MYO1E: variants seen among roughly 807,000 people sequenced by gnomAD.
The protein encoded by MYO1E is unconventional myosin-Ie.
Under a neutral mutation model 151.1 loss-of-function variants are expected in MYO1E, and 68 were observed. That is an observed-to-expected ratio of 0.45 (90% CI 0.37 to 0.55). The LOEUF is 0.55. MYO1E is among the 20% of genes least tolerant of loss of function. The pLI, the probability that MYO1E is intolerant of heterozygous loss-of-function variation, is 0.00. For missense variants in MYO1E, 1,363 were observed against 1,389.3 expected (o/e 0.98, Z 0.30); for synonymous variants, 601 against 501.7 (o/e 1.20, Z -2.64).
intron 21 of MYO1E, 109 bp from the exon 22 acceptor site, chr15:59,172,151 G>A (rs937653232): frequency 8.1e-7 from 1 of 1,239,218 alleles, no homozygotes; most frequent in Non-Finnish European, 1.1e-6. Context: ...GAGGTCAGGA[G>A]TTCGAGACCA....
Position 59,202,071 on chromosome 15 carries a change from G to C in MYO1E, c.1698+255C>G, listed in dbSNP as rs530719109. ...TTCTGTTTAAAGCCATTTCCTCTTA[G>C]AAAGTAGCTGATTATCATCTGCTGA... On this transcript the variant is annotated intron_variant, in intron 16 of 27. Transcript: ENST00000288235. Among the ~76,000 whole-genome samples the C allele has an allele frequency of 2.0e-5, 3 of 152,262 alleles. No individual in the cohort carries two copies. The South Asian group carries it at 6.2e-4, about 32-fold the overall frequency.
At chr15:59,275,948 G>A (rs992466453) in intron 1 of MYO1E, among the ~76,000 whole-genome samples, 4 of 152,176 alleles carry the variant, frequency 2.6e-5, no homozygotes, top group Non-Finnish European at 5.9e-5. Flanking sequence ...TCTGCACACA[G>A]CCGCTGAATG....
intron 26 of MYO1E, among the ~76,000 whole-genome samples, chr15:59,141,850 G>A (rs1190456452): frequency 6.8e-6 from 1 of 146,818 alleles, no homozygotes; most frequent in African/African-American, 2.5e-5. Flanking sequence ...CCTGTAATCT[G>A]TAATCCCAGC....
chr15:59,137,139 C>T lies in MYO1E; in HGVS notation c.*241G>A. ...TAAATACAATAAATAAATCTTAATG[C>T]ATGGTGGTTTTGTCCTCCTGGGTTC... On this transcript the variant is annotated 3_prime_UTR_variant, in exon 28 of 28. Coordinates refer to ENST00000288235, the MANE Select transcript of MYO1E (RefSeq NM_004998.4). The T allele has an allele frequency of 1.8e-6, 1 of 558,672 alleles. No individual in the cohort carries two copies. Among genetic ancestry groups the T allele is most frequent in the South Asian group, 2.0e-5 (1 of 49,418 alleles). 34.6% of individuals were successfully genotyped at this position (558,672 alleles called of 1,614,324 possible). A position where few individuals can be genotyped will look rare whatever the true frequency, so the allele number is the denominator to read the frequency against.
At chr15:59,363,408 A>AC in intron 1 of MYO1E, among the ~76,000 whole-genome samples, 1 of 152,192 alleles carries the variant, frequency 6.6e-6, no homozygotes, top group Non-Finnish European at 1.5e-5. Flanking sequence ...TTAAGTCTAA[A>AC]TTATCCCCTC....
At chr15:59,292,415 G>A (rs970680969) in intron 1 of MYO1E, among the ~76,000 whole-genome samples, 4 of 152,180 alleles carry the variant, frequency 2.6e-5, no homozygotes, top group East Asian at 3.8e-4. Flanking sequence ...ACTACGACTG[G>A]CAGGCATATG....
At position 59,206,792 on chromosome 15, in the gene MYO1E, CCCGCG is replaced by C. The variant is rs1216856011; in HGVS notation, c.1531-1312_1531-1308del. On this transcript the variant is annotated intron_variant, in intron 14 of 27. Coordinates refer to ENST00000288235, the MANE Select transcript of MYO1E (RefSeq NM_004998.4). ...GCACGTGTCGGAGACTCTGGCAAGG[CCCGCG>C]CAGCCGCAGTAGAGGGCCAGGGGGC... The C allele has an allele frequency of 2.1e-4, 154 of 730,480 alleles. No individual in the cohort carries two copies. The African/African-American group carries it at 2.5e-3, about 12-fold the overall frequency. The allele number at this position is 730,480 out of a possible 1,614,324, so 45.2% of individuals were successfully genotyped here. A position where few individuals can be genotyped will look rare whatever the true frequency, so the allele number is the denominator to read the frequency against.
intron 1 of MYO1E, among the ~76,000 whole-genome samples, chr15:59,286,255 C>T (rs373413072): frequency 2.0e-5 from 3 of 152,180 alleles, no homozygotes; most frequent in South Asian, 2.1e-4. Context: ...TTGCAAAATA[C>T]GCATTATTTA....
At position 59,213,296 on chromosome 15, in the gene MYO1E, G is replaced by A. The variant is rs184566198; in HGVS notation, c.1275+932C>T. Among the ~76,000 whole-genome samples, 350 of 151,982 alleles carry A rather than the reference G, an allele frequency of 2.3e-3. 1 individual carries two copies. Among genetic ancestry groups the A allele is most frequent in the African/African-American group, 8.2e-3 (339 of 41,458 alleles). On this transcript the variant is annotated intron_variant, in intron 12 of 27. Transcript: ENST00000288235. Reference sequence around the variant, plus strand: ...AGCGATTCTCCTGCCTCAGCCCCCTGAGTAGCTGGGTCTACAGGCACACAC... The same window carrying A: ...AGCGATTCTCCTGCCTCAGCCCCCTAAGTAGCTGGGTCTACAGGCACACAC...
At chr15:59,293,915 T>C (rs1426133717) in intron 1 of MYO1E, among the ~76,000 whole-genome samples, 2 of 152,138 alleles carry the variant, frequency 1.3e-5, no homozygotes, top group African/African-American at 2.4e-5. Flanking sequence ...TGGTGGCGCA[T>C]GCCTGTGGTC....
chr15:59,322,805 T>C (rs1246182262), intron 1 of MYO1E, among the ~76,000 whole-genome samples: 2 of 152,220 alleles, frequency 1.3e-5, no homozygotes, highest in Non-Finnish European at 2.9e-5. Context: ...GAATATGTCT[T>C]ACAACAGAAG....
At chr15:59,210,805 C>T (rs1233126835) in intron 12 of MYO1E, among the ~76,000 whole-genome samples, 2 of 152,002 alleles carry the variant, frequency 1.3e-5, no homozygotes, top group African/African-American at 4.8e-5. Context: ...TAGTTTGAAC[C>T]CTATGAAATT....
At chr15:59,241,967 G>C (rs2080102326) in intron 4 of MYO1E, among the ~76,000 whole-genome samples, 1 of 148,218 alleles carries the variant, frequency 6.7e-6, no homozygotes, top group Non-Finnish European at 1.5e-5. Flanking sequence ...ATAAATAATA[G>C]GCCTTGACTG....
At chr15:59,333,558 A>G (rs1180057417) in intron 1 of MYO1E, among the ~76,000 whole-genome samples, 3 of 152,020 alleles carry the variant, frequency 2.0e-5, no homozygotes, top group African/African-American at 4.8e-5. Context: ...TAGTCCATCT[A>G]CTCACCAACC....
At position 59,134,707 on chromosome 15, in the gene MYO1E, G is replaced by A. The variant is rs2079362422; in HGVS notation, c.*2673C>T. The A allele has an allele frequency of 6.6e-6, 1 of 152,196 alleles. No individual in the cohort carries two copies. Among genetic ancestry groups the A allele is most frequent in the Admixed American group, 6.5e-5 (1 of 15,278 alleles). 9.4% of individuals were successfully genotyped at this position (152,196 alleles called of 1,614,324 possible). A position where few individuals can be genotyped will look rare whatever the true frequency, so the allele number is the denominator to read the frequency against. ...TTGATACTGCTATACACGTTGCTGT[G>A]TGTGCACATGAACACCCCTTATTTC... is the stretch of plus-strand genomic sequence containing the variant. On this transcript the variant is annotated 3_prime_UTR_variant, in exon 28 of 28. Transcript: ENST00000288235.
At chr15:59,223,697 A>T (rs150292132) in intron 8 of MYO1E, among the ~76,000 whole-genome samples, 200 of 152,340 alleles carry the variant, frequency 1.3e-3, no homozygotes, top group African/African-American at 4.6e-3. Context: ...TGTACTTGCA[A>T]AAGGATCTTA....
chr15:59,152,525 A>G (rs530545329), intron 26 of MYO1E, among the ~76,000 whole-genome samples: 92 of 152,168 alleles, frequency 6.0e-4, no homozygotes, highest in Non-Finnish European at 1.1e-3. Context: ...CTCTAGTTCA[A>G]CCTCCATGAA....
At chr15:59,346,164 T>C (rs1322560244) in intron 1 of MYO1E, among the ~76,000 whole-genome samples, 1 of 152,164 alleles carries the variant, frequency 6.6e-6, no homozygotes, top group African/African-American at 2.4e-5. Flanking sequence ...ATCTTTCCCC[T>C]TCTTCCACTT....
intron 1 of MYO1E, among the ~76,000 whole-genome samples, chr15:59,288,820 A>C (rs543395119): frequency 1.3e-5 from 2 of 152,370 alleles, no homozygotes; most frequent in Admixed American, 6.5e-5. Context: ...ACAGAAAAGA[A>C]GACGACAGAC....
Sources: allele counts gnomAD v4.1 joint callset (sites outside exome capture counted in the v4.1 genomes callset), GRCh38; gene constraint gnomAD v4.1.1; transcripts MANE v1.5; gene names NCBI Gene and HGNC (gene_info 2026-07-23, HGNC 2026-07-21).